The following FSTL5 variants were observed in gnomAD, a reference collection of about 807,000 sequenced individuals.
The protein encoded by FSTL5 is follistatin-related protein 5.
In FSTL5, 62 loss-of-function variants were observed where a neutral mutation model predicts 89.1. The ratio of observed to expected loss-of-function variants is 0.70; its 90% confidence interval spans 0.57 to 0.86. FSTL5 has a LOEUF of 0.86. Ranked by LOEUF, FSTL5 falls within the 40% of genes least tolerant of loss-of-function variation. The pLI is 0.00. For missense variants in FSTL5, 1,057 were observed against 1,001.6 expected (o/e 1.06, Z -0.75); for synonymous variants, 383 against 346.2 (o/e 1.11, Z -1.18).
intron 3 of FSTL5, among the ~76,000 whole-genome samples, chr4:162,019,011 G>T (rs1430410693): frequency 6.6e-6 from 1 of 152,032 alleles, no homozygotes; most frequent in Non-Finnish European, 1.5e-5. Flanking sequence ...ATGTCATGTT[G>T]CAGGATCTGC....
At chr4:162,088,128 AATAAT>A (rs1481417760) in intron 2 of FSTL5, among the ~76,000 whole-genome samples, 1 of 151,604 alleles carries the variant, frequency 6.6e-6, no homozygotes, top group African/African-American at 2.4e-5. Flanking sequence ...ATGATATTTA[AATAAT>A]ATGTGTGCCA....
intron 7 of FSTL5, among the ~76,000 whole-genome samples, chr4:161,623,620 G>A (rs1014713838): frequency 6.6e-6 from 1 of 151,652 alleles, no homozygotes; most frequent in Non-Finnish European, 1.5e-5. Flanking sequence ...TTTAGGTTTA[G>A]ATTTTATCAG....
At chr4:161,545,500 A>T (rs1358738120) in intron 8 of FSTL5, among the ~76,000 whole-genome samples, 1 of 152,000 alleles carries the variant, frequency 6.6e-6, no homozygotes, top group Non-Finnish European at 1.5e-5. Flanking sequence ...CTTCTACCTT[A>T]CCAGACTCCA....
intron 6 of FSTL5, among the ~76,000 whole-genome samples, chr4:161,738,905 A>G (rs1739909210): frequency 6.6e-6 from 1 of 152,194 alleles, no homozygotes; most frequent in South Asian, 2.1e-4. Flanking sequence ...ACTGATTGCA[A>G]TCAAGCTCTT....
chr4:161,578,213 T>G (rs199868643), intron 8 of FSTL5, among the ~76,000 whole-genome samples: 1 of 125,990 alleles, frequency 7.9e-6, no homozygotes, highest in Admixed American at 8.5e-5. Context: ...TATAAATAGG[T>G]TTAAAGATTT....
Position 161,723,614 on chromosome 4 carries a change from G to T in FSTL5, c.727+35797C>A, listed in dbSNP as rs10002344. On this transcript the variant is annotated intron_variant, in intron 6 of 15. Transcript: ENST00000306100. ...ATTAAATGTGCATTGCATCCTGGGA[G>T]ATGGAATGGCTTCAGAACTAGAACA... 6.2e-3 allele frequency among the ~76,000 whole-genome samples: 938 copies of T among 152,278 alleles called. 3 individuals are homozygous for T. Among genetic ancestry groups the T allele is most frequent in the African/African-American group, 0.021 (861 of 41,560 alleles).
In FSTL5 at chr4:161,911,066, A is replaced by G. The variant is rs185921372; in HGVS notation, c.409+9338T>C. Among the ~76,000 whole-genome samples, 6 of 152,282 alleles carry G rather than the reference A, an allele frequency of 3.9e-5. No homozygotes were observed. The East Asian group carries it at 1.2e-3, about 29-fold the overall frequency. ...AGTAATTGGAAAAGAATCTTTGGAA[A>G]TAAGTATCAGCTGTTTGAATCGACC... On this transcript the variant is annotated intron_variant, in intron 4 of 15. Transcript: ENST00000306100.
intron 7 of FSTL5, among the ~76,000 whole-genome samples, chr4:161,591,990 A>G (rs1186537136): frequency 6.6e-6 from 1 of 152,218 alleles, no homozygotes; most frequent in Non-Finnish European, 1.5e-5. Flanking sequence ...CTTGTCAGTC[A>G]TAAGTTGAAC....
At chr4:161,931,606 C>T (rs13107579) in intron 3 of FSTL5, among the ~76,000 whole-genome samples, 49,279 of 151,650 alleles carry the variant, frequency 0.32, 9,675 homozygotes, top group Non-Finnish European at 0.43. Flanking sequence ...TTTAATTTAA[C>T]AATATACCAA....
At chr4:161,898,811 A>G (rs1490807221) in intron 4 of FSTL5, among the ~76,000 whole-genome samples, 2 of 151,678 alleles carry the variant, frequency 1.3e-5, no homozygotes, top group Non-Finnish European at 2.9e-5. Context: ...TTGTATTTTT[A>G]GTAGAGACGG....
At chr4:161,715,893 G>A (rs540603904) in intron 6 of FSTL5, among the ~76,000 whole-genome samples, 11 of 152,296 alleles carry the variant, frequency 7.2e-5, no homozygotes, top group East Asian at 3.9e-4. Context: ...TAGTAGTGCC[G>A]AAAACCAGCA....
chr4:161,875,297 T>C (rs1207573666), intron 4 of FSTL5, among the ~76,000 whole-genome samples: 4 of 152,172 alleles, frequency 2.6e-5, no homozygotes, highest in Non-Finnish European at 5.9e-5. Flanking sequence ...AAATAGGAAA[T>C]TGGCTGTCCC....
intron 13 of FSTL5, among the ~76,000 whole-genome samples, chr4:161,479,905 G>A (rs1007314226): frequency 2.0e-5 from 3 of 152,114 alleles, no homozygotes; most frequent in Non-Finnish European, 4.4e-5. Context: ...TGTTAAATAA[G>A]TACAGAATAT....
chr4:161,951,312 A>G (rs1045099515), intron 3 of FSTL5, among the ~76,000 whole-genome samples: 12 of 152,006 alleles, frequency 7.9e-5, no homozygotes, highest in African/African-American at 2.9e-4. Context: ...TACTGCTTCT[A>G]TTTTAACTCA....
Position 161,649,335 on chromosome 4 carries a change from A to C in FSTL5, c.894+6993T>G, listed in dbSNP as rs1289814354. Among the ~76,000 whole-genome samples, 3 of 152,308 alleles carry C rather than the reference A, an allele frequency of 2.0e-5. No individual in the cohort carries two copies. In the East Asian group the frequency reaches 5.8e-4, roughly 29 times the overall value. ...TTTAAGACAGTTGAGGTTCTTATGA[A>C]ACCTGTTATATTTTTCTTCCTCGAC... On this transcript the variant is annotated intron_variant, in intron 7 of 15. Transcript: ENST00000306100.
intron 13 of FSTL5, among the ~76,000 whole-genome samples, chr4:161,467,137 T>A (rs1733773799): frequency 6.6e-6 from 1 of 152,024 alleles, no homozygotes; most frequent in Non-Finnish European, 1.5e-5. Context: ...TTTATTGTTA[T>A]TTTTTTCAAG....
chr4:161,766,945 TAGATAGA>T (rs2126796161), intron 5 of FSTL5, among the ~76,000 whole-genome samples: 1 of 151,926 alleles, frequency 6.6e-6, no homozygotes, highest in African/African-American at 2.4e-5. Flanking sequence ...GATAGATAGA[TAGATAGA>T]TAGATCTCAC....
In FSTL5 at chr4:161,970,600, G is replaced by C. The variant is rs772867630; in HGVS notation, c.161-49948C>G. On this transcript the variant is annotated intron_variant, in intron 3 of 15. Coordinates refer to ENST00000306100, the MANE Select transcript of FSTL5 (RefSeq NM_020116.5). The stretch of plus-strand genomic sequence containing the variant: ...AACTAAGAGAAAAAAGTAAAATGCT[G>C]CCTTATGGAGAAGGCATCTGTGCAG... Among the ~76,000 whole-genome samples, 31 of 152,036 alleles carry C rather than the reference G, an allele frequency of 2.0e-4. 1 individual carries two copies. The highest frequency in any genetic ancestry group is 8.8e-5 in the Non-Finnish European group (6 of 67,976).
intron 4 of FSTL5, among the ~76,000 whole-genome samples, chr4:161,874,739 T>A (rs947910390): frequency 6.6e-6 from 1 of 152,120 alleles, no homozygotes; most frequent in African/African-American, 2.4e-5. Context: ...ATTAACTTTT[T>A]TGTAATATTA....
Sources: gnomAD v4.1 joint callset for allele counts (sites outside exome capture counted in the v4.1 genomes callset) on GRCh38, gnomAD v4.1.1 for gene constraint, MANE v1.5 for transcripts, NCBI Gene and HGNC (gene_info 2026-07-23, HGNC 2026-07-21) for gene names.